RCOR3: variants seen among roughly 807,000 people sequenced by gnomAD.
RCOR3 encodes the protein REST corepressor 3.
In RCOR3, 13 loss-of-function variants were observed where a neutral mutation model predicts 64.1. The ratio of observed to expected loss-of-function variants is 0.20; its 90% CI spans 0.13 to 0.32. The LOEUF (loss-of-function observed/expected upper bound fraction) is 0.32, where lower values mean the gene tolerates loss of function less well. Among genes scored for constraint, RCOR3 ranks in the 10% least tolerant of loss-of-function variants. RCOR3 has a pLI of 1.00. For synonymous variants in RCOR3, 215 were observed against 239.0 expected, an observed-to-expected ratio of 0.90 and a Z score of 0.93; for missense variants, 489 against 701.2, an observed-to-expected ratio of 0.70 and a Z score of 3.42.
At chr1:211,261,791 C>T (rs1250500528) in intron 2 of RCOR3, among the ~76,000 whole-genome samples, 2 of 151,390 alleles carry the variant, frequency 1.3e-5, no homozygotes, top group Non-Finnish European at 2.9e-5. Flanking sequence ...CGTGGTGGCA[C>T]GCACCTGTAA....
chr1:211,259,889 C>G (rs1416951954), intron 1 of RCOR3, 163 bp downstream of exon 1: 4 of 1,045,144 alleles, frequency 3.8e-6, no homozygotes, highest in Non-Finnish European at 3.9e-6. Flanking sequence ...CCCGCGACCC[C>G]CCGTCCCTCC....
chr1:211,275,157 A>T lies in RCOR3; in HGVS notation c.354+895A>T, dbSNP rs548369697. On this transcript the variant is annotated intron_variant, in intron 4 of 11. Transcript: ENST00000419091. ...TTAAATCTCATTTCAACTAAGTATT[A>T]TTTCAACCTTTATCAGAATTAATAG... Among the ~76,000 whole-genome samples, 16 of 152,042 alleles carry T rather than the reference A, an allele frequency of 1.1e-4. No homozygotes were observed. In the East Asian group the frequency reaches 2.1e-3, roughly 20 times the overall value.
At chr1:211,300,044 C>T (rs1700213896) in intron 9 of RCOR3, among the ~76,000 whole-genome samples, 1 of 150,880 alleles carries the variant, frequency 6.6e-6, no homozygotes, top group South Asian at 2.1e-4. Context: ...TCAACCGTCC[C>T]CTCTGCATTT....
chr1:211,274,136 G>T, intron 3 of RCOR3, 74 bp from the exon 4 acceptor site: 1 of 1,026,480 alleles, frequency 9.7e-7, no homozygotes, highest in South Asian at 1.6e-5. Flanking sequence ...AATTTGCTAT[G>T]TTAAGAACAA....
chr1:211,293,678 C>T (rs1699511119), intron 8 of RCOR3, among the ~76,000 whole-genome samples: 1 of 152,196 alleles, frequency 6.6e-6, no homozygotes, highest in Non-Finnish European at 1.5e-5. Flanking sequence ...TATCTCCCCA[C>T]TAGTCTATGA....
chr1:211,288,743 G>A (rs1388901820), intron 7 of RCOR3, among the ~76,000 whole-genome samples: 1 of 151,880 alleles, frequency 6.6e-6, no homozygotes, highest in Non-Finnish European at 1.5e-5. Context: ...TTAACCAGCT[G>A]TCTAATCTGC....
chr1:211,280,845 G>T (rs1031625547), intron 7 of RCOR3, among the ~76,000 whole-genome samples: 4 of 152,052 alleles, frequency 2.6e-5, no homozygotes, highest in Non-Finnish European at 5.9e-5. Flanking sequence ...TAGCCGGGGC[G>T]TGGTGGCACA....
At chr1:211,299,509 T>G (rs1308723100) in intron 9 of RCOR3, among the ~76,000 whole-genome samples, 1 of 152,230 alleles carries the variant, frequency 6.6e-6, no homozygotes, top group Non-Finnish European at 1.5e-5. Context: ...CCTTTCATTA[T>G]GGATGTTGGG....
At position 211,315,251 on chromosome 1, in the gene RCOR3, C is replaced by T. The variant is rs1701805859; in HGVS notation, c.*1483C>T. 1 of 152,158 alleles carries T rather than the reference C, an allele frequency of 6.6e-6. No individual in the cohort carries two copies. Among genetic ancestry groups the T allele is most frequent in the South Asian group, 2.1e-4 (1 of 4,828 alleles). The allele number at this position is 152,158 out of a possible 1,614,324, so 9.4% of individuals were successfully genotyped here. ...GTAGAATACTTCACAAAATAGTCAA[C>T]ATCTAAGGCCCTAATTTATGTTTTG... On this transcript the variant is annotated 3_prime_UTR_variant, in exon 12 of 12. Transcript: ENST00000419091.
chr1:211,272,771 G>A lies in RCOR3; in HGVS notation c.302-1439G>A, dbSNP rs185146070. Among the ~76,000 whole-genome samples the A allele has an allele frequency of 7.3e-3, 1,102 of 150,212 alleles. 19 individuals carry two copies. Among genetic ancestry groups the A allele is most frequent in the African/African-American group, 0.025 (1,045 of 40,986 alleles). ...CAAGTAGCTGGGACTACAGGCGCCC[G>A]CCACTACGCCCGGCTAATTTTTTGT... On this transcript the variant is annotated intron_variant, in intron 3 of 11. Transcript: ENST00000419091.
At chr1:211,262,843 C>T (rs1323998869) in intron 2 of RCOR3, among the ~76,000 whole-genome samples, 5 of 141,198 alleles carry the variant, frequency 3.5e-5, no homozygotes, top group South Asian at 2.3e-4. Flanking sequence ...TTTGAAGAAG[C>T]TATTTTTATC....
At chr1:211,271,826 T>A (rs1205026154) in intron 3 of RCOR3, 1 of 215,364 alleles carries the variant, frequency 4.6e-6, no homozygotes, top group Non-Finnish European at 9.7e-6. Flanking sequence ...TTCAATGTGA[T>A]GTAGCGGACC....
chr1:211,264,948 C>T (rs1694936933), intron 2 of RCOR3, among the ~76,000 whole-genome samples: 1 of 152,134 alleles, frequency 6.6e-6, no homozygotes, highest in Non-Finnish European at 1.5e-5. Flanking sequence ...TTATCATATG[C>T]CTTTAATCTA....
chr1:211,297,922 C>T (rs1229568526), intron 9 of RCOR3, among the ~76,000 whole-genome samples: 3 of 152,074 alleles, frequency 2.0e-5, no homozygotes, highest in Non-Finnish European at 4.4e-5. Context: ...TTACAATAAG[C>T]CATCAAGTGA....
At position 211,282,503 on chromosome 1, in the gene RCOR3, GT is replaced by G. The variant is rs745846610; in HGVS notation, c.720+3203del. On this transcript the variant is annotated intron_variant, in intron 7 of 11. Transcript: ENST00000419091. Reference sequence around the variant, plus strand: ...TGTGTTTCCTCAATTGGATATTCTTGTTTTTTTTTTTTTTTTGAGAGGGAGT... The same window carrying G: ...TGTGTTTCCTCAATTGGATATTCTTGTTTTTTTTTTTTTTTGAGAGGGAGT... Among the ~76,000 whole-genome samples, 458 of 138,042 alleles carry G rather than the reference GT, an allele frequency of 3.3e-3. 1 individual carries two copies. The highest frequency in any genetic ancestry group is 7.5e-3 in the Middle Eastern group (2 of 266). 90.6% of individuals were successfully genotyped at this position (138,042 alleles called of 152,430 possible).
chr1:211,296,468 T>A (rs1403716147), intron 9 of RCOR3, among the ~76,000 whole-genome samples: 1 of 152,148 alleles, frequency 6.6e-6, no homozygotes, highest in Non-Finnish European at 1.5e-5. Flanking sequence ...AATCAAATAA[T>A]CTTATTTGTT....
At chr1:211,262,751 G>T (rs1182412301) in intron 2 of RCOR3, among the ~76,000 whole-genome samples, 2 of 150,442 alleles carry the variant, frequency 1.3e-5, no homozygotes, top group Non-Finnish European at 2.9e-5. Flanking sequence ...ATAAACACTG[G>T]AACAAATTTC....
At position 211,259,878 on chromosome 1, in the gene RCOR3, C is replaced by G. The variant is rs1464963983; in HGVS notation, c.166+152C>G. 3 of 1,085,576 alleles carry G rather than the reference C, an allele frequency of 2.8e-6. No homozygotes were observed. The Admixed American group carries it at 9.7e-5, about 35-fold the overall frequency. The allele number at this position is 1,085,576 out of a possible 1,614,324, so 67.2% of individuals were successfully genotyped here. On this transcript the variant is annotated intron_variant, in intron 1 of 11. Coordinates refer to ENST00000419091, the MANE Select transcript of RCOR3 (RefSeq NM_001136223.3). Reference sequence around the variant, plus strand: ...AACTCCCGGTGCAGTGCAGCAGCACCCCCGCGACCCCCCGTCCCTCCGCCC... The same window carrying G: ...AACTCCCGGTGCAGTGCAGCAGCACGCCCGCGACCCCCCGTCCCTCCGCCC...
At chr1:211,291,148 A>G (rs754766560) in intron 8 of RCOR3, among the ~76,000 whole-genome samples, 3 of 152,170 alleles carry the variant, frequency 2.0e-5, no homozygotes, top group Non-Finnish European at 2.9e-5. Flanking sequence ...CTATATTCAC[A>G]TAGCTTTTAT....
Sources: allele counts gnomAD v4.1 joint callset (sites outside exome capture counted in the v4.1 genomes callset), GRCh38; gene constraint gnomAD v4.1.1; transcripts MANE v1.5; gene names NCBI Gene and HGNC (gene_info 2026-07-23, HGNC 2026-07-21).